SLC35F1: variants seen among roughly 807,000 people sequenced by gnomAD.
The protein encoded by SLC35F1 is solute carrier family 35 member F1, also known as chromosome 6 open reading frame 169.
SLC35F1 carries 14 observed loss-of-function variants against 48.7 expected under a neutral mutation model. The ratio of observed to expected loss-of-function variants is 0.29; its 90% CI spans 0.19 to 0.45. SLC35F1 has a LOEUF of 0.45. SLC35F1 is among the 20% of genes least tolerant of loss of function. The pLI, the probability that SLC35F1 is intolerant of heterozygous loss-of-function variation, is 1.00. For missense variants in SLC35F1, 404 were observed against 500.0 expected, an observed-to-expected ratio of 0.81 and a Z score of 1.83; for synonymous variants, 190 against 202.2, an observed-to-expected ratio of 0.94 and a Z score of 0.51.
At chr6:118,107,595 G>T (rs1213305319) in intron 1 of SLC35F1, among the ~76,000 whole-genome samples, 1 of 152,072 alleles carries the variant, frequency 6.6e-6, no homozygotes, top group South Asian at 2.1e-4. Flanking sequence ...ATTTTAGTTG[G>T]ATCATATATG....
chr6:118,298,347 AAC>A (rs1208189405), intron 7 of SLC35F1, among the ~76,000 whole-genome samples: 1 of 152,044 alleles, frequency 6.6e-6, no homozygotes, highest in Non-Finnish European at 1.5e-5. Flanking sequence ...TCTCTTTGAC[AAC>A]ATCTCTAATG....
intron 1 of SLC35F1, among the ~76,000 whole-genome samples, chr6:117,937,760 T>C (rs1405435337): frequency 6.6e-6 from 1 of 152,186 alleles, no homozygotes; most frequent in Non-Finnish European, 1.5e-5. Context: ...AAGGTCCCAA[T>C]GTCTAAATTC....
intron 1 of SLC35F1, among the ~76,000 whole-genome samples, chr6:118,107,485 T>C (rs2114376326): frequency 6.6e-6 from 1 of 152,306 alleles, no homozygotes; most frequent in South Asian, 2.1e-4. Flanking sequence ...ACAGATCTTA[T>C]AACAACTCAT....
chr6:118,313,950 C>T (rs1350884391), intron 7 of SLC35F1, 78 bp from the exon 8 acceptor site: 3 of 1,325,784 alleles, frequency 2.3e-6, no homozygotes, highest in South Asian at 1.2e-5. Context: ...CAGCTCTGCT[C>T]ATGTTTCTGT....
At chr6:118,117,213 A>T (rs1477197454) in intron 1 of SLC35F1, among the ~76,000 whole-genome samples, 1 of 152,190 alleles carries the variant, frequency 6.6e-6, no homozygotes, top group African/African-American at 2.4e-5. Context: ...CTATTTGCAT[A>T]TATTGGATTT....
chr6:117,908,533 C>T (rs565925070), intron 1 of SLC35F1, among the ~76,000 whole-genome samples: 1 of 152,264 alleles, frequency 6.6e-6, no homozygotes, highest in Non-Finnish European at 1.5e-5. Context: ...ACATTGCGGG[C>T]AGGGTGTGAG....
intron 1 of SLC35F1, among the ~76,000 whole-genome samples, chr6:118,149,257 G>A (rs1204478181): frequency 6.6e-6 from 1 of 152,024 alleles, no homozygotes; most frequent in African/African-American, 2.4e-5. Context: ...GAGGAGTTAG[G>A]TGAAAGGACC....
intron 2 of SLC35F1, among the ~76,000 whole-genome samples, chr6:118,228,358 A>C (rs1775246146): frequency 1.3e-5 from 2 of 151,264 alleles, no homozygotes; most frequent in African/African-American, 4.9e-5. Flanking sequence ...TAGCTTTTAA[A>C]GTAAGTAATT....
At chr6:118,089,818 G>C (rs1773046947) in intron 1 of SLC35F1, among the ~76,000 whole-genome samples, 1 of 152,144 alleles carries the variant, frequency 6.6e-6, no homozygotes, top group African/African-American at 2.4e-5. Context: ...ATAATCATCA[G>C]CCTCCAATTT....
At position 118,068,979 on chromosome 6, in the gene SLC35F1, T is replaced by C. The variant is rs184755117; in HGVS notation, c.174-85466T>C. Among the ~76,000 whole-genome samples, 14 of 152,272 alleles carry C rather than the reference T, an allele frequency of 9.2e-5. No homozygotes were observed. In the East Asian group the frequency reaches 2.7e-3, roughly 29 times the overall value. On this transcript the variant is annotated intron_variant, in intron 1 of 7. Transcript: ENST00000360388. ...TTTTGTTAACCACAGAAATATAATATGTGCCAAAAGTCATATAGGTACTGG... is the reference window on the plus strand; with the variant it reads ...TTTTGTTAACCACAGAAATATAATACGTGCCAAAAGTCATATAGGTACTGG...
chr6:118,198,991 G>A (rs1398903220), intron 2 of SLC35F1, among the ~76,000 whole-genome samples: 2 of 152,206 alleles, frequency 1.3e-5, no homozygotes, highest in African/African-American at 4.8e-5. Context: ...TGGTGAGCCA[G>A]TCCCCCAAGC....
chr6:118,042,738 C>A (rs1772244004), intron 1 of SLC35F1, among the ~76,000 whole-genome samples: 1 of 152,108 alleles, frequency 6.6e-6, no homozygotes, highest in Non-Finnish European at 1.5e-5. Flanking sequence ...GCATACATTT[C>A]AGCAATGGCA....
At chr6:118,053,498 C>G (rs954778270) in intron 1 of SLC35F1, among the ~76,000 whole-genome samples, 1 of 151,922 alleles carries the variant, frequency 6.6e-6, no homozygotes, top group Non-Finnish European at 1.5e-5. Context: ...TTAAATAAAC[C>G]CTCCCTAATC....
chr6:118,004,387 T>C (rs1334376222), intron 1 of SLC35F1, among the ~76,000 whole-genome samples: 1 of 152,186 alleles, frequency 6.6e-6, no homozygotes, highest in African/African-American at 2.4e-5. Flanking sequence ...CTGAAAGTGC[T>C]AAGTTAAATT....
intron 3 of SLC35F1, among the ~76,000 whole-genome samples, chr6:118,260,829 A>G (rs941716134): frequency 1.2e-4 from 19 of 152,036 alleles, no homozygotes; most frequent in African/African-American, 4.3e-4. Flanking sequence ...CATTTAACCT[A>G]TTTCTTCTAC....
chr6:118,243,523 G>A (rs1473472501), intron 3 of SLC35F1, among the ~76,000 whole-genome samples: 2 of 152,170 alleles, frequency 1.3e-5, no homozygotes, highest in African/African-American at 2.4e-5. Context: ...TGAGGCAACC[G>A]ACAGCTACGT....
At chr6:118,225,389 GAAAGGGAAGTCTCTTCAAT>G (rs1379388146) in intron 2 of SLC35F1, among the ~76,000 whole-genome samples, 55 of 152,296 alleles carry the variant, frequency 3.6e-4, no homozygotes, top group Non-Finnish European at 4.4e-5. Flanking sequence ...ATACAATGGG[GAAAGGGAAGTCTCTTCAAT>G]AAATGATCCT....
In SLC35F1 at chr6:117,969,895, A is replaced by G. The variant is rs1308293618; in HGVS notation, c.173+61996A>G. Among the ~76,000 whole-genome samples, 7 of 152,204 alleles carry G rather than the reference A, an allele frequency of 4.6e-5. No homozygotes were observed. The East Asian group carries it at 1.3e-3, about 29-fold the overall frequency. ...GAAAGTATAATTCCTGTAAAAGAAGATACATTTTTAGGGTTTTTGATACAT... is the reference window on the plus strand; with the variant it reads ...GAAAGTATAATTCCTGTAAAAGAAGGTACATTTTTAGGGTTTTTGATACAT... On this transcript the variant is annotated intron_variant, in intron 1 of 7. Transcript: ENST00000360388.
At chr6:118,087,403 T>G (rs1436402457) in intron 1 of SLC35F1, among the ~76,000 whole-genome samples, 1 of 152,168 alleles carries the variant, frequency 6.6e-6, no homozygotes, top group Admixed American at 6.5e-5. Flanking sequence ...CATATTCGTT[T>G]TGAGGAGATC....
Sources: allele counts gnomAD v4.1 joint callset (sites outside exome capture counted in the v4.1 genomes callset), GRCh38; gene constraint gnomAD v4.1.1; transcripts MANE v1.5; gene names NCBI Gene and HGNC (gene_info 2026-07-23, HGNC 2026-07-21).